The following ANKRD44 variants were observed in gnomAD, a reference collection of about 807,000 sequenced individuals.
ANKRD44 encodes ankyrin repeat domain 44.
ANKRD44 carries 35 observed loss-of-function variants against 116.0 expected under a neutral mutation model. That is an observed-to-expected ratio of 0.30 (90% CI 0.23 to 0.40). ANKRD44 has a LOEUF of 0.40. Ranked by LOEUF, ANKRD44 falls within the 10% of genes least tolerant of loss-of-function variation. The pLI, the probability that ANKRD44 is intolerant of heterozygous loss-of-function variation, is 1.00. For missense variants in ANKRD44, 1,014 were observed against 1,242.6 expected (o/e 0.82, Z 2.77); for synonymous variants, 435 against 461.8 (o/e 0.94, Z 0.74).
At chr2:197,167,237 C>A (rs1340592042) in intron 2 of ANKRD44, among the ~76,000 whole-genome samples, 1 of 151,998 alleles carries the variant, frequency 6.6e-6, no homozygotes, top group Non-Finnish European at 1.5e-5. Context: ...AAAAAAAAGT[C>A]TTTTTGAACA....
intron 21 of ANKRD44, among the ~76,000 whole-genome samples, chr2:196,969,213 T>C (rs1025605080): frequency 6.6e-6 from 1 of 152,232 alleles, no homozygotes; most frequent in African/African-American, 2.4e-5. Context: ...CTTCAATATT[T>C]ATTTAGCTTC....
intron 1 of ANKRD44, chr2:197,263,630 T>C (rs1057434286): frequency 1.6e-5 from 3 of 191,856 alleles, no homozygotes; most frequent in African/African-American, 7.1e-5. Flanking sequence ...CTGGGGAACA[T>C]GGTTGGCTCA....
intron 16 of ANKRD44, among the ~76,000 whole-genome samples, chr2:197,032,583 T>C (rs143548050): frequency 0.013 from 2,030 of 152,106 alleles, 13 homozygotes; most frequent in Middle Eastern, 0.024. Flanking sequence ...AGAGATGGGG[T>C]TTCACCATGT....
intron 1 of ANKRD44, among the ~76,000 whole-genome samples, chr2:197,279,195 G>A (rs180797186): frequency 6.6e-6 from 1 of 152,278 alleles, no homozygotes; most frequent in East Asian, 1.9e-4. Flanking sequence ...AGAGATGCTG[G>A]TGATAGAACA....
chr2:197,265,269 CAG>C (rs1031279623), intron 1 of ANKRD44, among the ~76,000 whole-genome samples: 7 of 147,876 alleles, frequency 4.7e-5, no homozygotes, highest in African/African-American at 1.8e-4. Context: ...GGTGGGGAGA[CAG>C]AGTCTTCCTC....
At chr2:197,275,033 T>C (rs1574419743) in intron 1 of ANKRD44, among the ~76,000 whole-genome samples, 2 of 152,014 alleles carry the variant, frequency 1.3e-5, no homozygotes, top group East Asian at 3.9e-4. Flanking sequence ...ATCTGACATT[T>C]TGAATTTTGA....
chr2:196,980,910 G>A (rs2075796812), intron 21 of ANKRD44, among the ~76,000 whole-genome samples: 1 of 152,174 alleles, frequency 6.6e-6, no homozygotes, highest in East Asian at 1.9e-4. Context: ...TTTTGAAGTA[G>A]TTAAATGTTC....
intron 2 of ANKRD44, among the ~76,000 whole-genome samples, chr2:197,186,606 ATTTTTCTTT>A (rs1314187986): frequency 1.1e-4 from 9 of 81,454 alleles, no homozygotes; most frequent in Non-Finnish European, 2.4e-5. Flanking sequence ...TGCCCGGCTA[ATTTTTCTTT>A]TTTTTTTTTT....
chr2:197,278,837 C>T (rs886267541), intron 1 of ANKRD44, among the ~76,000 whole-genome samples: 2 of 152,216 alleles, frequency 1.3e-5, no homozygotes, highest in African/African-American at 2.4e-5. Flanking sequence ...AGAGACTTTT[C>T]GCTTTGGAAA....
At chr2:197,113,388 G>A (rs1343802692) in intron 8 of ANKRD44, among the ~76,000 whole-genome samples, 1 of 152,186 alleles carries the variant, frequency 6.6e-6, no homozygotes, top group Non-Finnish European at 1.5e-5. Context: ...TGTGGAGTTG[G>A]CATTAACTTG....
At chr2:197,099,238 C>T (rs1002332085) in intron 10 of ANKRD44, among the ~76,000 whole-genome samples, 1 of 152,152 alleles carries the variant, frequency 6.6e-6, no homozygotes. Context: ...GATATATGAT[C>T]TTGCATGGTT....
chr2:197,007,983 C>A, intron 19 of ANKRD44, 60 bp from the exon 20 acceptor site: 1 of 1,084,936 alleles, frequency 9.2e-7, no homozygotes, highest in Admixed American at 2.0e-5. Context: ...TTCATCACTA[C>A]CAGTAGGAAG....
At chr2:197,044,060 T>G (rs1399224954) in intron 16 of ANKRD44, among the ~76,000 whole-genome samples, 1 of 152,218 alleles carries the variant, frequency 6.6e-6, no homozygotes, top group African/African-American at 2.4e-5. Context: ...TTGTAGGATA[T>G]TTTCTTTTTT....
At chr2:197,070,336 T>C (rs988421225) in intron 16 of ANKRD44, among the ~76,000 whole-genome samples, 1 of 152,152 alleles carries the variant, frequency 6.6e-6, no homozygotes, top group Non-Finnish European at 1.5e-5. Context: ...TTAAGTAAAT[T>C]AGCTGTTCTT....
chr2:197,162,202 C>A (rs2079982710), intron 2 of ANKRD44, among the ~76,000 whole-genome samples: 1 of 152,222 alleles, frequency 6.6e-6, no homozygotes, highest in Admixed American at 6.5e-5. Context: ...CACTCCCCAA[C>A]TTCACCCCCA....
At chr2:197,039,680 C>CGTGTGT (rs10535447) in intron 16 of ANKRD44, among the ~76,000 whole-genome samples, 12 of 141,448 alleles carry the variant, frequency 8.5e-5, no homozygotes, top group African/African-American at 1.3e-4. Flanking sequence ...TGTGTGTGTG[C>CGTGTGT]GTGTGTGTGT....
At chr2:196,970,828 GGTA>G (rs1243876945) in intron 21 of ANKRD44, among the ~76,000 whole-genome samples, 1 of 151,756 alleles carries the variant, frequency 6.6e-6, no homozygotes, top group Non-Finnish European at 1.5e-5. Flanking sequence ...CAGCCTCCTG[GGTA>G]GCTGGGACTA....
chr2:196,987,661 A>G lies in ANKRD44; in HGVS notation c.*1930T>C. On this transcript the variant is annotated 3_prime_UTR_variant, in exon 28 of 28. Coordinates refer to ENST00000282272, the MANE Select transcript of ANKRD44 (RefSeq NM_001195144.2). ...TAAATAGAAATACCCTGAGCTATTTACTGTAGAATCATAGCAGATTTTAGG... is the reference window on the plus strand; with the variant it reads ...TAAATAGAAATACCCTGAGCTATTTGCTGTAGAATCATAGCAGATTTTAGG... 1.0e-6 allele frequency: 1 copy of G among 985,464 alleles called. No individual in the cohort carries two copies. 61.0% of individuals were successfully genotyped at this position (985,464 alleles called of 1,614,324 possible).
At chr2:197,246,393 G>A (rs542554009) in intron 1 of ANKRD44, among the ~76,000 whole-genome samples, 1 of 110,540 alleles carries the variant, frequency 9.0e-6, no homozygotes, top group Admixed American at 1.4e-4. Context: ...GGGTATCGCT[G>A]TGTTGCCCAG....
Sources: gnomAD v4.1 joint callset for allele counts (sites outside exome capture counted in the v4.1 genomes callset) on GRCh38, gnomAD v4.1.1 for gene constraint, MANE v1.5 for transcripts, NCBI Gene and HGNC (gene_info 2026-07-23, HGNC 2026-07-21) for gene names.